Variants in DUSP16 observed in about 807,000 individuals in gnomAD.
DUSP16 encodes the protein dual specificity phosphatase 16, also known as dual specificity protein phosphatase 16.
In DUSP16, 21 loss-of-function variants were observed where a neutral mutation model predicts 58.3. The observed-to-expected ratio is 0.36, with a 90% CI of 0.26 to 0.52. DUSP16 has a LOEUF of 0.52. Among genes scored for constraint, DUSP16 ranks in the 20% least tolerant of loss-of-function variants. DUSP16 has a pLI of 0.94. For synonymous variants in DUSP16, 320 were observed against 323.8 expected, an observed-to-expected ratio of 0.99 and a Z score of 0.12; for missense variants, 726 against 819.0, an observed-to-expected ratio of 0.89 and a Z score of 1.39.
At chr12:12,538,692 G>A (rs781668461) in intron 1 of DUSP16, among the ~76,000 whole-genome samples, 4 of 152,206 alleles carry the variant, frequency 2.6e-5, no homozygotes, top group African/African-American at 7.2e-5. Context: ...TGAAGTTACA[G>A]ATGAAATGCC....
chr12:12,548,229 T>C (rs907156716), intron 1 of DUSP16, among the ~76,000 whole-genome samples: 2 of 152,202 alleles, frequency 1.3e-5, no homozygotes, highest in Non-Finnish European at 2.9e-5. Flanking sequence ...TCTCCCAAGA[T>C]GATATATAAA....
chr12:12,500,494 T>C, intron 4 of DUSP16, 25 bp downstream of exon 4: 1 of 1,585,290 alleles, frequency 6.3e-7, no homozygotes. Flanking sequence ...AACCCAGCAA[T>C]GAAGGATATT....
intron 6 of DUSP16, among the ~76,000 whole-genome samples, chr12:12,478,544 C>T (rs780221420): frequency 1.7e-4 from 26 of 152,096 alleles, no homozygotes; most frequent in Non-Finnish European, 3.5e-4. Context: ...CTGTGTTGCC[C>T]AGGCTGGTCT....
chr12:12,500,533 C>T lies in DUSP16; in HGVS notation c.517G>A (p.Asp173Asn), dbSNP rs371541171. Residue 173 changes from aspartate to asparagine, a missense_variant, in exon 4 of 7, where the codon GAT (aspartate) becomes AAT (asparagine). Asp to Asn is a conservative substitution (Grantham distance 23). Transcript: ENST00000298573. ...AAAGCACCCACCTTGTTGAGGACAT[C>T]TCGCTGGCAGCCAAGATAAAGATTG... is the stretch of plus-strand genomic sequence containing the variant. ...LPNLYLGCQR[D>N]VLNKELMQQN... The T allele has an allele frequency of 1.9e-6, 3 of 1,609,342 alleles. No homozygotes were observed.
At chr12:12,554,073 T>A (rs1157600770) in intron 1 of DUSP16, among the ~76,000 whole-genome samples, 1 of 151,574 alleles carries the variant, frequency 6.6e-6, no homozygotes, top group African/African-American at 2.4e-5. Flanking sequence ...GGTGCACGCC[T>A]GTAATCCCAG....
chr12:12,488,539 C>T lies in DUSP16; in HGVS notation c.532-1352G>A, dbSNP rs550879337. On this transcript the variant is annotated intron_variant, in intron 4 of 6. Coordinates refer to ENST00000298573, the MANE Select transcript of DUSP16 (RefSeq NM_030640.3). The stretch of plus-strand genomic sequence containing the variant: ...TTTAGCAGGCAAGCCCACACAAACC[C>T]GCTTCATTTAGTCATCCCCCTGCTG... 3.9e-5 allele frequency among the ~76,000 whole-genome samples: 6 copies of T among 152,266 alleles called. No individual in the cohort carries two copies. In the South Asian group the frequency reaches 6.2e-4, roughly 16 times the overall value.
At chr12:12,541,745 C>T (rs947484085) in intron 1 of DUSP16, among the ~76,000 whole-genome samples, 1 of 152,192 alleles carries the variant, frequency 6.6e-6, no homozygotes, top group Non-Finnish European at 1.5e-5. Context: ...TGAGATATAA[C>T]ATCCAGATTA....
chr12:12,523,539 T>C (rs914268629), intron 1 of DUSP16, among the ~76,000 whole-genome samples: 3 of 152,240 alleles, frequency 2.0e-5, no homozygotes, highest in African/African-American at 7.2e-5. Context: ...TTTAATACAT[T>C]ATATTTCCAT....
At chr12:12,548,911 A>T (rs2136263698) in intron 1 of DUSP16, among the ~76,000 whole-genome samples, 1 of 152,234 alleles carries the variant, frequency 6.6e-6, no homozygotes, top group Non-Finnish European at 1.5e-5. Flanking sequence ...TCTAATCATG[A>T]TCATGACTTT....
intron 1 of DUSP16, among the ~76,000 whole-genome samples, chr12:12,542,388 G>GAAAAAAAAAAAAA (rs56822339): frequency 1.8e-5 from 2 of 109,706 alleles, no homozygotes; most frequent in Non-Finnish European, 3.6e-5. Flanking sequence ...AAAGAAAAGA[G>GAAAAAAAAAAAAA]AAAAAAAAAA....
Position 12,519,977 on chromosome 12 carries a change from C to T in DUSP16, c.252G>A (p.Lys84=). ...KHKVDIDCSQ[K]VVVYDQSSQD... ...GGGAGCTTTGATCGTAAACTACAACCTTCTGACTGCAATCAATGTCAACCT... is the reference window on the plus strand; with the variant it reads ...GGGAGCTTTGATCGTAAACTACAACTTTCTGACTGCAATCAATGTCAACCT... The change falls in exon 3 of 7, where the codon AAG becomes AAA. Residue 84 remains lysine, a synonymous_variant. Transcript: ENST00000298573. 16 of 1,614,124 alleles carry T rather than the reference C, an allele frequency of 9.9e-6. No homozygotes were observed. The highest frequency in any genetic ancestry group is 1.3e-5 in the Non-Finnish European group (15 of 1,179,990).
At chr12:12,505,084 C>T (rs1325090865) in intron 3 of DUSP16, among the ~76,000 whole-genome samples, 1 of 152,192 alleles carries the variant, frequency 6.6e-6, no homozygotes, top group Non-Finnish European at 1.5e-5. Context: ...TTTACACACT[C>T]TTACAGCTGC....
chr12:12,548,642 AAAAAAGAAAAAG>A (rs1028256751), intron 1 of DUSP16, among the ~76,000 whole-genome samples: 52 of 142,964 alleles, frequency 3.6e-4, no homozygotes, highest in African/African-American at 9.4e-4. Context: ...AAAAAAAAAA[AAAAAAGAAAAAG>A]AAAAAGAAAA....
At chr12:12,520,650 G>C (rs927034783) in intron 2 of DUSP16, among the ~76,000 whole-genome samples, 1 of 152,184 alleles carries the variant, frequency 6.6e-6, no homozygotes, top group Non-Finnish European at 1.5e-5. Context: ...TATAGCACTT[G>C]TCCAAACTAA....
intron 1 of DUSP16, among the ~76,000 whole-genome samples, chr12:12,540,949 C>CTTTTTTTTTTTTTTT (rs1191975095): frequency 1.7e-3 from 73 of 43,786 alleles, no homozygotes; most frequent in Non-Finnish European, 2.5e-3. Flanking sequence ...CTTTTCTTTT[C>CTTTTTTTTTTTTTTT]TTTTTTTTTT....
intron 4 of DUSP16, 28 bp from the exon 5 acceptor site, chr12:12,487,215 G>A (rs1294071420): frequency 1.9e-6 from 3 of 1,608,660 alleles, no homozygotes; most frequent in Non-Finnish European, 2.6e-6. Flanking sequence ...AGCAGTTAAA[G>A]TGACTAATAA....
At chr12:12,502,489 T>A (rs1456524565) in intron 3 of DUSP16, among the ~76,000 whole-genome samples, 2 of 151,932 alleles carry the variant, frequency 1.3e-5, no homozygotes, top group African/African-American at 4.8e-5. Context: ...ATTATAGAAA[T>A]CACAAATTCC....
chr12:12,525,055 T>A (rs1443829034), intron 1 of DUSP16, among the ~76,000 whole-genome samples: 6 of 152,230 alleles, frequency 3.9e-5, no homozygotes, highest in African/African-American at 1.4e-4. Flanking sequence ...AAGATTTTTT[T>A]AAATTAATAT....
chr12:12,530,598 T>C (rs940527981), intron 1 of DUSP16, among the ~76,000 whole-genome samples: 1 of 152,168 alleles, frequency 6.6e-6, no homozygotes. Context: ...AAAAAACATA[T>C]ATATAAGAAA....
Sources: allele counts gnomAD v4.1 joint callset (sites outside exome capture counted in the v4.1 genomes callset), GRCh38; gene constraint gnomAD v4.1.1; transcripts MANE v1.5; gene names NCBI Gene and HGNC (gene_info 2026-07-23, HGNC 2026-07-21).